Variants in DYNC2H1 observed in about 807,000 individuals in gnomAD.
DYNC2H1 encodes cytoplasmic dynein 2 heavy chain 1.
A neutral mutation model predicts 570.0 loss-of-function variants in DYNC2H1; 410 were observed. That is an observed-to-expected ratio of 0.72 (90% CI 0.66 to 0.78). The LOEUF (loss-of-function observed/expected upper bound fraction) is 0.78, where lower values mean the gene tolerates loss of function less well. DYNC2H1 is among the 30% of genes least tolerant of loss of function. The pLI is 0.00. For synonymous variants in DYNC2H1, 1,688 were observed against 1,677.6 expected, an observed-to-expected ratio of 1.01 and a Z score of -0.15; for missense variants, 4,865 against 5,046.4, an observed-to-expected ratio of 0.96 and a Z score of 1.09.
At chr11:103,161,219 A>C (rs932535512) in intron 29 of DYNC2H1, among the ~76,000 whole-genome samples, 175 bp downstream of exon 29, 61 of 152,104 alleles carry the variant, frequency 4.0e-4, no homozygotes, top group Admixed American at 3.8e-3. Context: ...TTTTGATATT[A>C]AAAAGAATAT....
chr11:103,437,673 G>C (rs1243007950), intron 85 of DYNC2H1, among the ~76,000 whole-genome samples: 1 of 152,136 alleles, frequency 6.6e-6, no homozygotes, highest in Non-Finnish European at 1.5e-5. Flanking sequence ...GTCTATTAGT[G>C]ATCTTAGAAC....
rs1218127888 is a variant in DYNC2H1 at position 103,171,043 on chromosome 11, C to G, written c.5309C>G (p.Thr1770Ser). The change falls in exon 34 of 89, where the codon ACT becomes AGT. Residue 1770 changes from threonine to serine, a missense_variant. Physicochemically the swap from Thr to Ser is moderately conservative, Grantham distance 58. Around this residue, in one of 5 missense-constraint regions of DYNC2H1, gnomAD observed 292 missense variants for 300.2 expected, o/e 0.97. Coordinates refer to ENST00000375735, the MANE Select transcript of DYNC2H1 (RefSeq NM_001377.3). ...TIQDALKNHR[T>S]VCELLGKEVE... ...CAAGATGCTTTGAAGAATCATAGAACTGTATGTGAACTGCTTGGCAAGGAG... is the reference window on the plus strand; with the variant it reads ...CAAGATGCTTTGAAGAATCATAGAAGTGTATGTGAACTGCTTGGCAAGGAG... The G allele has an allele frequency of 6.2e-7, 1 of 1,609,656 alleles. No homozygotes were observed. The highest frequency in any genetic ancestry group is 1.1e-5 in the South Asian group (1 of 90,484).
At chr11:103,188,070 A>G (rs1302448243) in intron 43 of DYNC2H1, among the ~76,000 whole-genome samples, 2 of 152,082 alleles carry the variant, frequency 1.3e-5, no homozygotes, top group Non-Finnish European at 2.9e-5. Flanking sequence ...TTTACATCAC[A>G]TTAGAAGCTA....
chr11:103,376,516 A>G (rs1052009872), intron 83 of DYNC2H1, among the ~76,000 whole-genome samples: 2 of 152,156 alleles, frequency 1.3e-5, no homozygotes, highest in African/African-American at 4.8e-5. Flanking sequence ...AACATAAAGA[A>G]TCCTGTAGTT....
chr11:103,355,657 G>T (rs542702055), intron 82 of DYNC2H1, among the ~76,000 whole-genome samples: 13 of 152,128 alleles, frequency 8.5e-5, no homozygotes, highest in Non-Finnish European at 1.5e-4. Flanking sequence ...ATAAGAACAG[G>T]TGAAGTAGGA....
intron 70 of DYNC2H1, among the ~76,000 whole-genome samples, chr11:103,272,524 T>C (rs1865751168): frequency 6.6e-6 from 1 of 152,184 alleles, no homozygotes; most frequent in African/African-American, 2.4e-5. Flanking sequence ...TATACATATG[T>C]AGCAAACCTG....
chr11:103,116,722 T>G lies in DYNC2H1; in HGVS notation c.766+8T>G. ...ATCTCTTAGACATCATAGGTACTAG[T>G]AAAAAAATGAACTTTTGGAATTTTG... On this transcript the variant is annotated splice_region_variant and intron_variant, in intron 5 of 88. Coordinates refer to ENST00000375735, the MANE Select transcript of DYNC2H1 (RefSeq NM_001377.3). 2 of 1,573,902 alleles carry G rather than the reference T, an allele frequency of 1.3e-6. No homozygotes were observed. The highest frequency in any genetic ancestry group is 1.2e-5 in the South Asian group (1 of 83,260).
intron 82 of DYNC2H1, among the ~76,000 whole-genome samples, chr11:103,335,548 C>G (rs188199133): frequency 6.1e-4 from 92 of 152,030 alleles, no homozygotes; most frequent in African/African-American, 2.1e-3. Context: ...AAATGGGAAC[C>G]TGTACAAGGA....
intron 82 of DYNC2H1, among the ~76,000 whole-genome samples, chr11:103,337,842 G>T (rs1287262312): frequency 1.3e-5 from 2 of 152,074 alleles, no homozygotes; most frequent in African/African-American, 4.8e-5. Context: ...TTGTCTCTTT[G>T]TTGATTGTTT....
intron 75 of DYNC2H1, among the ~76,000 whole-genome samples, chr11:103,296,560 C>T (rs971219555): frequency 6.6e-6 from 1 of 152,108 alleles, no homozygotes; most frequent in Non-Finnish European, 1.5e-5. Flanking sequence ...AAAAATTCTT[C>T]ATTTCCCATC....
At chr11:103,353,319 G>T (rs1443757501) in intron 82 of DYNC2H1, among the ~76,000 whole-genome samples, 2 of 152,054 alleles carry the variant, frequency 1.3e-5, no homozygotes, top group African/African-American at 2.4e-5. Flanking sequence ...AAAAATGATT[G>T]TCTGTTCTCC....
Position 103,204,447 on chromosome 11 carries a change from A to G in DYNC2H1, c.8312-375A>G, listed in dbSNP as rs1487007757. On this transcript the variant is annotated intron_variant, in intron 51 of 88. Transcript: ENST00000375735. The surrounding 1 kb of genome is among the most constrained non-coding windows in gnomAD (Gnocchi z 4.1). ...TTAGTACCTCCTGTCTTAAAGAACTATTGAACCATTTAGATTGTGCCAGAC... is the reference window on the plus strand; with the variant it reads ...TTAGTACCTCCTGTCTTAAAGAACTGTTGAACCATTTAGATTGTGCCAGAC... Among the ~76,000 whole-genome samples the G allele has an allele frequency of 6.6e-6, 1 of 152,186 alleles. No individual in the cohort carries two copies. Among genetic ancestry groups the G allele is most frequent in the East Asian group, 1.9e-4 (1 of 5,198 alleles).
rs578028654 is a variant in DYNC2H1 at position 103,446,149 on chromosome 11, G to A, written c.12457-9037G>A. ...GTTTAGATGTCTTTTAGACATCTTG[G>A]TGGAAATGTCAGAGAAGTAATTGAT... On this transcript the variant is annotated intron_variant, in intron 85 of 88. Transcript: ENST00000375735. This position sits in a 1 kb window ranked among gnomAD's most constrained non-coding sequence, Gnocchi z 4.5. 2.0e-5 allele frequency among the ~76,000 whole-genome samples: 3 copies of A among 152,198 alleles called. No homozygotes were observed. Among genetic ancestry groups the A allele is most frequent in the African/African-American group, 7.2e-5 (3 of 41,514 alleles).
rs1864893470 is a variant in DYNC2H1, at chr11:103,252,946, A to G, written c.10043-339A>G. Among the ~76,000 whole-genome samples, 1 of 152,342 alleles carries G rather than the reference A, an allele frequency of 6.6e-6. No homozygotes were observed. Among genetic ancestry groups the G allele is most frequent in the Admixed American group, 6.5e-5 (1 of 15,298 alleles). On this transcript the variant is annotated intron_variant, in intron 65 of 88. Transcript: ENST00000375735. This position sits in a 1 kb window ranked among gnomAD's most constrained non-coding sequence, Gnocchi z 4.6. Reference sequence around the variant, plus strand: ...ATGAATTTAGAAGTAAAGAAAAAATATAATTGAGGATTTCTATTTTTGTCA... The same window carrying G: ...ATGAATTTAGAAGTAAAGAAAAAATGTAATTGAGGATTTCTATTTTTGTCA...
intron 17 of DYNC2H1, among the ~76,000 whole-genome samples, chr11:103,136,846 T>C (rs955547946): frequency 6.6e-6 from 1 of 152,194 alleles, no homozygotes. Flanking sequence ...CCACCAACAG[T>C]GTGAAAGTGT....
At chr11:103,380,716 C>T (rs1246070496) in intron 83 of DYNC2H1, among the ~76,000 whole-genome samples, 1 of 152,124 alleles carries the variant, frequency 6.6e-6, no homozygotes, top group Non-Finnish European at 1.5e-5. Context: ...TGCACGGCAC[C>T]AGCCTGGCTA....
chr11:103,417,225 G>T (rs530303811), intron 84 of DYNC2H1, among the ~76,000 whole-genome samples: 1 of 152,124 alleles, frequency 6.6e-6, no homozygotes, highest in South Asian at 2.1e-4. Flanking sequence ...GACTACAGGC[G>T]CATGCCACCA....
chr11:103,401,641 A>G (rs1041994648), intron 84 of DYNC2H1, among the ~76,000 whole-genome samples: 7 of 152,174 alleles, frequency 4.6e-5, no homozygotes, highest in African/African-American at 1.7e-4. Flanking sequence ...TTAATTAAGC[A>G]TCTCTAAACT....
chr11:103,274,869 C>T (rs1207926868), intron 70 of DYNC2H1, among the ~76,000 whole-genome samples: 2 of 151,722 alleles, frequency 1.3e-5, no homozygotes, highest in Non-Finnish European at 2.9e-5. Flanking sequence ...CTGAGGCGGG[C>T]GGAAGACCTG....
Sources: allele counts gnomAD v4.1 joint callset (sites outside exome capture counted in the v4.1 genomes callset), GRCh38; gene constraint gnomAD v4.1.1; regional missense constraint gnomAD v4.1.1; non-coding constraint Gnocchi (gnomAD v3.1); transcripts MANE v1.5; gene names NCBI Gene and HGNC (gene_info 2026-07-23, HGNC 2026-07-21).